The following MAPK8 variants were observed in gnomAD, a reference collection of about 807,000 sequenced individuals.
The protein encoded by MAPK8 is mitogen-activated protein kinase 8.
MAPK8 carries 13 observed loss-of-function variants against 52.9 expected under a neutral mutation model. The observed-to-expected ratio is 0.25, with a 90% CI of 0.16 to 0.39. The LOEUF (loss-of-function observed/expected upper bound fraction) is 0.39. Among genes scored for constraint, MAPK8 ranks in the 10% least tolerant of loss-of-function variants. The probability of loss-of-function intolerance (pLI) is 1.00; values close to 1 mark genes in which losing one functional copy is unlikely to be tolerated. For missense variants in MAPK8, 300 were observed against 519.2 expected (o/e 0.58, Z 4.10); for synonymous variants, 191 against 169.8 (o/e 1.12, Z -0.97).
chr10:48,311,320 T>G (rs192653175), intron 1 of MAPK8, among the ~76,000 whole-genome samples: 170 of 152,318 alleles, frequency 1.1e-3, no homozygotes, highest in African/African-American at 3.9e-3. Context: ...TCTGCATCTC[T>G]GGGGGGTTTA....
chr10:48,352,395 A>G (rs1846424029), intron 1 of MAPK8, among the ~76,000 whole-genome samples: 1 of 152,128 alleles, frequency 6.6e-6, no homozygotes, highest in South Asian at 2.1e-4. Context: ...AATCAGTATA[A>G]TCCAACGGTA....
At chr10:48,378,790 C>A (rs1289865994) in intron 1 of MAPK8, among the ~76,000 whole-genome samples, 1 of 151,690 alleles carries the variant, frequency 6.6e-6, no homozygotes, top group African/African-American at 2.4e-5. Flanking sequence ...TCTTTAGTAA[C>A]AATCTCACTC....
intron 1 of MAPK8, among the ~76,000 whole-genome samples, chr10:48,367,981 A>G (rs1848216056): frequency 6.6e-6 from 1 of 152,200 alleles, no homozygotes. Flanking sequence ...TACAATACCT[A>G]CTTGCTACAG....
At chr10:48,394,071 C>G (rs2041766980) in intron 1 of MAPK8, among the ~76,000 whole-genome samples, 1 of 151,772 alleles carries the variant, frequency 6.6e-6, no homozygotes, top group Non-Finnish European at 1.5e-5. Context: ...CACAAACTAA[C>G]AAAGCCTGTT....
intron 7 of MAPK8, among the ~76,000 whole-genome samples, chr10:48,424,832 C>T (rs1362350095): frequency 6.6e-6 from 1 of 152,002 alleles, no homozygotes; most frequent in East Asian, 1.9e-4. Context: ...TAACCTAAAT[C>T]AAAAATCATG....
At chr10:48,338,638 A>G (rs868293184) in intron 1 of MAPK8, among the ~76,000 whole-genome samples, 1 of 152,076 alleles carries the variant, frequency 6.6e-6, no homozygotes, top group Non-Finnish European at 1.5e-5. Flanking sequence ...GTCAAATTAT[A>G]TGCTTGTTGA....
At chr10:48,359,091 T>C (rs1847284962) in intron 1 of MAPK8, among the ~76,000 whole-genome samples, 1 of 152,210 alleles carries the variant, frequency 6.6e-6, no homozygotes, top group Non-Finnish European at 1.5e-5. Context: ...TGCTGATTCT[T>C]CTTCTGTTTT....
chr10:48,394,193 G>A (rs1212976740), intron 1 of MAPK8, among the ~76,000 whole-genome samples: 2 of 151,878 alleles, frequency 1.3e-5, no homozygotes, highest in Non-Finnish European at 2.9e-5. Flanking sequence ...CACTGAGATA[G>A]TCTATGAAAC....
chr10:48,379,605 C>G lies in MAPK8; in HGVS notation c.-49-22007C>G, dbSNP rs1404169436. Among the ~76,000 whole-genome samples the G allele has an allele frequency of 2.0e-5, 3 of 151,410 alleles. No homozygotes were observed. In the South Asian group the frequency reaches 6.3e-4, roughly 32 times the overall value. On this transcript the variant is annotated intron_variant, in intron 1 of 11. Transcript: ENST00000374189. ...TAATTGCTATGAGCTATAAATGGCTCAAAAAAAATGTGGACTCTGGCAAAA... is the reference window on the plus strand; with the variant it reads ...TAATTGCTATGAGCTATAAATGGCTGAAAAAAAATGTGGACTCTGGCAAAA...
At chr10:48,422,708 ATATT>A (rs2043437812) in intron 6 of MAPK8, among the ~76,000 whole-genome samples, 1 of 152,174 alleles carries the variant, frequency 6.6e-6, no homozygotes, top group Non-Finnish European at 1.5e-5. Context: ...TAATTTATAA[ATATT>A]AAATTTTTTT....
chr10:48,401,865 T>C (rs1216474105), intron 2 of MAPK8, 83 bp downstream of exon 2: 1 of 1,135,212 alleles, frequency 8.8e-7, no homozygotes. Flanking sequence ...CCTTGGCAAA[T>C]ATTTAACTTG....
chr10:48,379,317 G>A (rs2040852209), intron 1 of MAPK8, among the ~76,000 whole-genome samples: 1 of 152,146 alleles, frequency 6.6e-6, no homozygotes, highest in African/African-American at 2.4e-5. Context: ...TTTCCAAGGG[G>A]CTTTTTATTG....
At chr10:48,381,635 G>T (rs1005733289) in intron 1 of MAPK8, among the ~76,000 whole-genome samples, 3 of 152,052 alleles carry the variant, frequency 2.0e-5, no homozygotes, top group Non-Finnish European at 4.4e-5. Flanking sequence ...TTTATTAACA[G>T]ATCTAAAGAT....
intron 5 of MAPK8, among the ~76,000 whole-genome samples, chr10:48,413,815 T>TTATATATA (rs59042608): frequency 0.023 from 1,083 of 48,010 alleles, 39 homozygotes; most frequent in East Asian, 0.03. Context: ...GCCAGAATTG[T>TTATATATA]TATATATATA....
intron 1 of MAPK8, among the ~76,000 whole-genome samples, chr10:48,374,448 C>T (rs976946547): frequency 5.3e-5 from 8 of 152,042 alleles, no homozygotes; most frequent in African/African-American, 1.9e-4. Context: ...TCAATGAATT[C>T]AGGAGCTGGT....
chr10:48,402,761 T>G (rs2042225096), intron 2 of MAPK8, among the ~76,000 whole-genome samples: 1 of 152,232 alleles, frequency 6.6e-6, no homozygotes, highest in Non-Finnish European at 1.5e-5. Flanking sequence ...CTGTTTTACA[T>G]GTGCACAGGG....
chr10:48,336,313 A>G (rs1180313216), intron 1 of MAPK8, among the ~76,000 whole-genome samples: 1 of 152,208 alleles, frequency 6.6e-6, no homozygotes, highest in Non-Finnish European at 1.5e-5. Flanking sequence ...CTTTTAAAAA[A>G]TATTCATTGC....
chr10:48,316,744 T>G (rs567635918), intron 1 of MAPK8, among the ~76,000 whole-genome samples: 170 of 152,356 alleles, frequency 1.1e-3, no homozygotes, highest in African/African-American at 3.9e-3. Flanking sequence ...AGTTAGGTAC[T>G]TAGCTGAACT....
intron 1 of MAPK8, among the ~76,000 whole-genome samples, chr10:48,370,558 T>C (rs1254582080): frequency 1.3e-5 from 2 of 152,108 alleles, no homozygotes; most frequent in African/African-American, 4.8e-5. Context: ...GTTAAAGGCC[T>C]AGAGGTCTTA....
Sources: gnomAD v4.1 joint callset for allele counts (sites outside exome capture counted in the v4.1 genomes callset) on GRCh38, gnomAD v4.1.1 for gene constraint, MANE v1.5 for transcripts, NCBI Gene and HGNC (gene_info 2026-07-23, HGNC 2026-07-21) for gene names.